DRC11: variants seen among roughly 807,000 people sequenced by gnomAD.
The protein encoded by DRC11 is dynein regulatory complex subunit 11.
At chr2:236,336,428 T>G in the DRC11 span, among the ~76,000 whole-genome samples, 1 of 57,668 alleles carries the variant, frequency 1.7e-5, no homozygotes, top group South Asian at 3.6e-4. The surrounding 1 kb of genome is among the most constrained non-coding windows in gnomAD (Gnocchi z 7.3). Flanking sequence ...CCACCACCAC[T>G]GCCACCACGG....
At chr2:236,416,523 C>T in the DRC11 span, among the ~76,000 whole-genome samples, 1 of 151,150 alleles carries the variant, frequency 6.6e-6, no homozygotes, top group African/African-American at 2.4e-5. Context: ...TTCTTTTGTT[C>T]ATTCAGTGAA....
At chr2:236,465,606 C>G in the DRC11 span, 1 of 1,613,854 alleles carries the variant, frequency 6.2e-7, no homozygotes, top group South Asian at 1.1e-5. The surrounding 1 kb of genome is among the most constrained non-coding windows in gnomAD (Gnocchi z 6.2). Flanking sequence ...CCAGGGCTTC[C>G]CTGTAGTCCT....
chr2:236,465,370 T>C, the DRC11 span: 1 of 714,812 alleles, frequency 1.4e-6, no homozygotes, highest in Non-Finnish European at 2.4e-6. The surrounding 1 kb of genome is among the most constrained non-coding windows in gnomAD (Gnocchi z 6.2). Flanking sequence ...TTCTTAGCCT[T>C]GGCATTTCAC....
chr2:236,356,115 C>G, the DRC11 span, among the ~76,000 whole-genome samples: 2 of 152,120 alleles, frequency 1.3e-5, no homozygotes, highest in Non-Finnish European at 2.9e-5. Context: ...GGTCCTCACT[C>G]TAACTCAGCC....
chr2:236,459,563 A>ACG, the DRC11 span, among the ~76,000 whole-genome samples: 2 of 144,426 alleles, frequency 1.4e-5, no homozygotes, highest in Non-Finnish European at 3.0e-5. Flanking sequence ...ATGTATACGT[A>ACG]TATATGTGTA....
chr2:236,433,420 C>T, the DRC11 span, among the ~76,000 whole-genome samples: 2 of 152,290 alleles, frequency 1.3e-5, no homozygotes, highest in Admixed American at 6.5e-5. Flanking sequence ...CTTCGCATCC[C>T]TCAGGAGTGT....
At chr2:236,322,360 G>A in the DRC11 span, among the ~76,000 whole-genome samples, 4 of 149,238 alleles carry the variant, frequency 2.7e-5, no homozygotes, top group South Asian at 2.2e-4. Flanking sequence ...TCAGCCTCCC[G>A]AGTAGCTGGG....
At chr2:236,371,261 T>C in the DRC11 span, among the ~76,000 whole-genome samples, 1 of 152,228 alleles carries the variant, frequency 6.6e-6, no homozygotes, top group East Asian at 1.9e-4. This position sits in a 1 kb window ranked among gnomAD's most constrained non-coding sequence, Gnocchi z 5.1. Context: ...AGCAACGGAA[T>C]AGGCAACAGA....
the DRC11 span, among the ~76,000 whole-genome samples, chr2:236,403,964 C>T: frequency 6.6e-6 from 1 of 152,062 alleles, no homozygotes; most frequent in African/African-American, 2.4e-5. Context: ...GTCACACACA[C>T]GTTTCCCCGA....
chr2:236,480,825 AT>A, the DRC11 span, among the ~76,000 whole-genome samples: 2 of 152,104 alleles, frequency 1.3e-5, no homozygotes, highest in Non-Finnish European at 2.9e-5. Context: ...TTAGTTATTT[AT>A]TCCAGTCTTT....
the DRC11 span, among the ~76,000 whole-genome samples, chr2:236,366,853 G>A: frequency 3.3e-5 from 4 of 122,250 alleles, no homozygotes; most frequent in Admixed American, 9.1e-5. Context: ...TCTTTCTTTC[G>A]ATGGAGTTTC....
At chr2:236,306,882 T>A in the DRC11 span, among the ~76,000 whole-genome samples, 2 of 152,214 alleles carry the variant, frequency 1.3e-5, no homozygotes, top group East Asian at 3.9e-4. This position sits in a 1 kb window ranked among gnomAD's most constrained non-coding sequence, Gnocchi z 5.9. Context: ...CTTGCTAATA[T>A]TATCCTGTGT....
chr2:236,376,713 G>C, the DRC11 span, among the ~76,000 whole-genome samples: 1 of 152,168 alleles, frequency 6.6e-6, no homozygotes, highest in Non-Finnish European at 1.5e-5. This position sits in a 1 kb window ranked among gnomAD's most constrained non-coding sequence, Gnocchi z 5.7. Context: ...CTTTTGGAAA[G>C]AATTCCTCCA....
the DRC11 span, among the ~76,000 whole-genome samples, chr2:236,360,023 G>A: frequency 2.0e-5 from 3 of 152,104 alleles, no homozygotes; most frequent in Non-Finnish European, 2.9e-5. The surrounding 1 kb of genome is among the most constrained non-coding windows in gnomAD (Gnocchi z 5.8). Flanking sequence ...CGCAAAGATC[G>A]CTTATCTGGT....
chr2:236,492,602 C>A, the DRC11 span, among the ~76,000 whole-genome samples: 2 of 152,220 alleles, frequency 1.3e-5, no homozygotes, highest in African/African-American at 4.8e-5. Flanking sequence ...CCTGGAGTGT[C>A]CCAGCTTGAA....
At chr2:236,369,644 CA>C in the DRC11 span, among the ~76,000 whole-genome samples, 1 of 152,134 alleles carries the variant, frequency 6.6e-6, no homozygotes, top group Admixed American at 6.5e-5. This position sits in a 1 kb window ranked among gnomAD's most constrained non-coding sequence, Gnocchi z 4.5. Flanking sequence ...CTTGTTTAAA[CA>C]AATTATATTC....
chr2:236,349,807 A>G, the DRC11 span, among the ~76,000 whole-genome samples: 99 of 152,296 alleles, frequency 6.5e-4, no homozygotes, highest in African/African-American at 2.2e-3. This position sits in a 1 kb window ranked among gnomAD's most constrained non-coding sequence, Gnocchi z 5.5. Flanking sequence ...GAAATAATCT[A>G]TACAACAAAC....
the DRC11 span, chr2:236,331,331 A>C: frequency 6.7e-7 from 1 of 1,502,068 alleles, no homozygotes; most frequent in South Asian, 1.1e-5. The surrounding 1 kb of genome is among the most constrained non-coding windows in gnomAD (Gnocchi z 4.8). Flanking sequence ...TCTGCTGCTA[A>C]GACTTGGTCA....
chr2:236,459,496 T>TAC, the DRC11 span, among the ~76,000 whole-genome samples: 6 of 126,164 alleles, frequency 4.8e-5, no homozygotes, highest in Admixed American at 7.9e-5. Flanking sequence ...TGTATACGTA[T>TAC]ATATGTATAC....
Sources: allele counts gnomAD v4.1 joint callset (sites outside exome capture counted in the v4.1 genomes callset), GRCh38; gene constraint gnomAD v4.1.1; non-coding constraint Gnocchi (gnomAD v3.1); transcripts MANE v1.5; gene names NCBI Gene and HGNC (gene_info 2026-07-23, HGNC 2026-07-21).